The following ZNF407 variants were observed in gnomAD, a reference collection of about 807,000 sequenced individuals.
The protein encoded by ZNF407 is zinc finger protein 407.
In ZNF407, 17 loss-of-function variants were observed where a neutral mutation model predicts 131.2. That is an observed-to-expected ratio of 0.13 (90% CI 0.09 to 0.19). ZNF407 has a LOEUF of 0.19. Ranked by LOEUF, ZNF407 falls within the 10% of genes least tolerant of loss-of-function variation. The probability of loss-of-function intolerance (pLI) is 1.00; values close to 1 mark genes in which losing one functional copy is unlikely to be tolerated. For synonymous variants in ZNF407, 1,156 were observed against 1,062.0 expected, an observed-to-expected ratio of 1.09 and a Z score of -1.72; for missense variants, 2,681 against 2,830.6, an observed-to-expected ratio of 0.95 and a Z score of 1.20.
At chr18:74,961,578 G>A (rs2145292233) in intron 8 of ZNF407, among the ~76,000 whole-genome samples, 1 of 152,158 alleles carries the variant, frequency 6.6e-6, no homozygotes, top group South Asian at 2.1e-4. Context: ...AAATTAGCTG[G>A]GTGTGGTGAC....
At chr18:74,966,043 C>T (rs1273738396) in intron 8 of ZNF407, among the ~76,000 whole-genome samples, 1 of 152,078 alleles carries the variant, frequency 6.6e-6, no homozygotes, top group African/African-American at 2.4e-5. Flanking sequence ...GTTTGAGCTT[C>T]TCATATATTC....
chr18:74,738,595 T>C (rs1242179190), intron 3 of ZNF407, among the ~76,000 whole-genome samples: 1 of 150,906 alleles, frequency 6.6e-6, no homozygotes, highest in African/African-American at 2.4e-5. Flanking sequence ...AAAACTTAGC[T>C]GGGTGTGGTG....
chr18:74,634,446 T>C lies in ZNF407; in HGVS notation c.3427T>C (p.Cys1143Arg), dbSNP rs757287095. 2.5e-6 allele frequency: 4 copies of C among 1,613,746 alleles called. No individual in the cohort carries two copies. In the Admixed American group the frequency reaches 6.7e-5, roughly 27 times the overall value. Residue 1143 changes from cysteine (C) to arginine (R), a missense_variant, in exon 2 of 9, where the codon TGC becomes CGC. Cys to Arg is a radical substitution (Grantham distance 180, BLOSUM62 -3). Around this residue, in one of 6 missense-constraint regions of ZNF407, gnomAD observed 1,789 missense variants for 1,748.7 expected, o/e 1.02. Transcript: ENST00000299687. ...TAATTTAGATATGTCTAAAGTGCTC[T>C]GCGCTGCTGACTCTGTAGAAGTTGA... is the stretch of plus-strand genomic sequence containing the variant. ...NTNLDMSKVL[C>R]AADSVEVETE...
At chr18:74,637,371 G>A (rs553343046) in intron 2 of ZNF407, among the ~76,000 whole-genome samples, 25 of 152,296 alleles carry the variant, frequency 1.6e-4, no homozygotes, top group Admixed American at 3.9e-4. Flanking sequence ...TTGACTATAT[G>A]TATTAATTGC....
Position 75,064,204 on chromosome 18 carries a change from C to A in ZNF407, c.6483C>A (p.Gly2161=). ...AGGCCATGGTGCAGGAGTCCAGTGG[C>A]GGCTTCTCCGAGGGCACCACGCACT... The part of the protein sequence containing the change: ...LVQAMVQESS[G]GFSEGTTHYI... The change falls in exon 9 of 9, where the codon GGC becomes GGA. Residue 2161 remains glycine, a synonymous_variant. Coordinates refer to ENST00000299687, the MANE Select transcript of ZNF407 (RefSeq NM_017757.3). The A allele has an allele frequency of 6.2e-7, 1 of 1,604,470 alleles. No homozygotes were observed. Among genetic ancestry groups the A allele is most frequent in the Non-Finnish European group, 8.5e-7 (1 of 1,176,680 alleles).
intron 7 of ZNF407, among the ~76,000 whole-genome samples, chr18:74,902,339 GT>G (rs1971537560): frequency 6.6e-6 from 1 of 152,192 alleles, no homozygotes; most frequent in South Asian, 2.1e-4. Context: ...GTCACTCGTG[GT>G]GCGAAACTAC....
At chr18:74,942,683 G>A (rs1364186376) in intron 8 of ZNF407, among the ~76,000 whole-genome samples, 2 of 152,126 alleles carry the variant, frequency 1.3e-5, no homozygotes, top group East Asian at 1.9e-4. Context: ...CCCTGAGTCT[G>A]TCTGCCTTGG....
intron 8 of ZNF407, among the ~76,000 whole-genome samples, chr18:74,927,799 A>G (rs940467508): frequency 6.6e-6 from 1 of 151,280 alleles, no homozygotes; most frequent in Admixed American, 6.7e-5. Context: ...TATTAAGGAT[A>G]ATGAATCTCA....
At chr18:74,953,754 A>C (rs534375910) in intron 8 of ZNF407, among the ~76,000 whole-genome samples, 1 of 152,378 alleles carries the variant, frequency 6.6e-6, no homozygotes, top group South Asian at 2.1e-4. Flanking sequence ...AGCGTATACC[A>C]CTACCTTTTA....
At chr18:74,811,022 A>T (rs544575073) in intron 4 of ZNF407, among the ~76,000 whole-genome samples, 1 of 152,202 alleles carries the variant, frequency 6.6e-6, no homozygotes, top group Non-Finnish European at 1.5e-5. Flanking sequence ...AAATTGACAA[A>T]TGGGATCTAA....
chr18:74,822,807 C>T (rs1044814332), intron 4 of ZNF407, among the ~76,000 whole-genome samples: 1 of 152,092 alleles, frequency 6.6e-6, no homozygotes, highest in Non-Finnish European at 1.5e-5. Context: ...TGTGAAGAAA[C>T]TCAATGGTTG....
intron 2 of ZNF407, among the ~76,000 whole-genome samples, chr18:74,639,240 G>A (rs1057024719): frequency 6.6e-6 from 1 of 152,174 alleles, no homozygotes; most frequent in Non-Finnish European, 1.5e-5. Flanking sequence ...CAGGTGCTGT[G>A]TGAGCAAAAT....
chr18:74,762,481 A>G (rs142814811), intron 3 of ZNF407, among the ~76,000 whole-genome samples: 1 of 152,258 alleles, frequency 6.6e-6, no homozygotes, highest in Non-Finnish European at 1.5e-5. Flanking sequence ...ACATATTTAG[A>G]CATATGTGTA....
At chr18:74,817,166 T>A (rs1211045937) in intron 4 of ZNF407, among the ~76,000 whole-genome samples, 1 of 152,206 alleles carries the variant, frequency 6.6e-6, no homozygotes, top group Non-Finnish European at 1.5e-5. Context: ...ATGCTGGTTT[T>A]ATAGGAGAAA....
intron 3 of ZNF407, among the ~76,000 whole-genome samples, chr18:74,744,871 T>G (rs190990280): frequency 8.5e-5 from 13 of 152,208 alleles, no homozygotes; most frequent in African/African-American, 2.4e-4. Context: ...TTTTATAGCT[T>G]TACCATGGAT....
At chr18:74,745,000 T>C (rs1253220959) in intron 3 of ZNF407, among the ~76,000 whole-genome samples, 1 of 152,024 alleles carries the variant, frequency 6.6e-6, no homozygotes, top group African/African-American at 2.4e-5. Context: ...AATAATGATA[T>C]TACTCAGCAT....
chr18:74,804,032 C>T (rs1008404605), intron 4 of ZNF407: 1 of 1,551,662 alleles, frequency 6.4e-7, no homozygotes, highest in Non-Finnish European at 8.7e-7. Flanking sequence ...GCGTCGAGTG[C>T]CTCTGAAGCC....
chr18:74,814,099 G>T (rs1485728328), intron 4 of ZNF407, among the ~76,000 whole-genome samples: 1 of 152,026 alleles, frequency 6.6e-6, no homozygotes, highest in East Asian at 1.9e-4. Context: ...GAAAAGTTCA[G>T]AGACCAAATA....
chr18:74,737,994 G>T (rs1359310496), intron 3 of ZNF407, among the ~76,000 whole-genome samples: 2 of 152,066 alleles, frequency 1.3e-5, no homozygotes, highest in East Asian at 3.9e-4. Context: ...TTTGTATTTT[G>T]TGAGGATTTG....
Sources: allele counts gnomAD v4.1 joint callset (sites outside exome capture counted in the v4.1 genomes callset), GRCh38; gene constraint gnomAD v4.1.1; regional missense constraint gnomAD v4.1.1; transcripts MANE v1.5; gene names NCBI Gene and HGNC (gene_info 2026-07-23, HGNC 2026-07-21).